Variants in NHSL2 observed in about 807,000 individuals in gnomAD.
The protein encoded by NHSL2 is NHS like 2.
A neutral mutation model predicts 53.4 loss-of-function variants in NHSL2; 27 were observed. That is an observed-to-expected ratio of 0.51 (90% CI 0.37 to 0.70). The LOEUF is 0.70. NHSL2 is among the 30% of genes least tolerant of loss of function. The pLI, the probability that NHSL2 is intolerant of heterozygous loss-of-function variation, is 0.00. For missense variants in NHSL2, 892 were observed against 980.1 expected (o/e 0.91, Z 1.20); for synonymous variants, 408 against 404.1 (o/e 1.01, Z -0.12).
intron 1 of NHSL2, among the ~76,000 whole-genome samples, chrX:72,071,736 G>T (rs922909846): frequency 9.0e-6 from 1 of 111,332 alleles, no homozygotes; most frequent in Non-Finnish European, 1.9e-5. Flanking sequence ...TTCCATTTTC[G>T]CTTAGTGACC....
intron 7 of NHSL2, among the ~76,000 whole-genome samples, chrX:72,142,642 T>C (rs973753232): frequency 2.7e-5 from 3 of 109,684 alleles, no homozygotes; most frequent in African/African-American, 1.0e-4. Context: ...AGGTGCCGAG[T>C]GAGAGGCCCC....
chrX:72,061,648 G>A (rs190858617), intron 1 of NHSL2, among the ~76,000 whole-genome samples: 13 of 111,554 alleles, frequency 1.2e-4, no homozygotes, highest in African/African-American at 2.6e-4. Flanking sequence ...ATATCCTGTC[G>A]CTCCCTTGCT....
intron 1 of NHSL2, among the ~76,000 whole-genome samples, chrX:72,085,709 T>G (rs1475730723): frequency 1.5e-5 from 1 of 67,100 alleles, no homozygotes; most frequent in Non-Finnish European, 3.8e-5. Flanking sequence ...TCTTTGTTTT[T>G]TTTTTGTTTT....
Position 72,026,838 on chromosome X carries a change from A to G in NHSL2, c.281-105241A>G, listed in dbSNP as rs1186713493. Among the ~76,000 whole-genome samples the G allele has an allele frequency of 2.7e-5, 3 of 112,035 alleles. No individual in the cohort carries two copies. In the Admixed American group the frequency reaches 2.8e-4, roughly 11 times the overall value. On this transcript the variant is annotated intron_variant, in intron 1 of 7. Transcript: ENST00000633930. ...TCCGGATTCCACCATCACCCAACCC[A>G]GCAGAAAGTCCCACCTCTGGTCTCT...
chrX:71,988,393 A>T (rs1298383880), intron 1 of NHSL2, among the ~76,000 whole-genome samples: 1 of 111,712 alleles, frequency 9.0e-6, no homozygotes, highest in Non-Finnish European at 1.9e-5. Flanking sequence ...CAAAGAGAAT[A>T]GCAGTTAATA....
intron 1 of NHSL2, among the ~76,000 whole-genome samples, chrX:72,091,453 CA>C (rs763099839): frequency 5.0e-4 from 50 of 99,588 alleles, no homozygotes; most frequent in Admixed American, 7.6e-4. Flanking sequence ...GACTCCGTCT[CA>C]AAAAAAAAAA....
intron 1 of NHSL2, among the ~76,000 whole-genome samples, chrX:72,099,361 A>AT (rs753132294): frequency 0.11 from 9,202 of 84,227 alleles, 635 homozygotes; most frequent in East Asian, 0.33. Flanking sequence ...TTGTGTAGGA[A>AT]TTTTTTTTTT....
chrX:72,075,536 ATGT>A (rs886813566), intron 1 of NHSL2, among the ~76,000 whole-genome samples: 1 of 111,989 alleles, frequency 8.9e-6, no homozygotes, highest in African/African-American at 3.2e-5. Flanking sequence ...CATCAAGAAA[ATGT>A]TGTGGGTTTT....
intron 1 of NHSL2, among the ~76,000 whole-genome samples, chrX:71,934,719 G>A (rs1214357294): frequency 3.6e-5 from 4 of 112,122 alleles, no homozygotes; most frequent in African/African-American, 1.3e-4. Flanking sequence ...GATGGCAGTG[G>A]AGGGGGAAGA....
At chrX:71,954,411 C>T (rs765746072) in intron 1 of NHSL2, among the ~76,000 whole-genome samples, 2 of 112,455 alleles carry the variant, frequency 1.8e-5, no homozygotes, top group East Asian at 5.6e-4. Context: ...TTCTGCCTGG[C>T]GTGTGCTGCT....
intron 1 of NHSL2, among the ~76,000 whole-genome samples, chrX:72,093,350 T>A (rs778391907): frequency 2.0e-4 from 23 of 112,612 alleles, no homozygotes; most frequent in African/African-American, 7.4e-4. Flanking sequence ...ATATTGGAAT[T>A]TGTTGCCAGG....
At chrX:71,960,561 A>T (rs1447769936) in intron 1 of NHSL2, among the ~76,000 whole-genome samples, 1 of 111,808 alleles carries the variant, frequency 8.9e-6, no homozygotes, top group African/African-American at 3.2e-5. Flanking sequence ...TTTCTCTTTT[A>T]TTAGGGTAGG....
At position 72,139,104 on chromosome X, in the gene NHSL2, A is replaced by G. The variant is rs970218429; in HGVS notation, c.1556A>G (p.Asn519Ser). 2.6e-6 allele frequency: 3 copies of G among 1,168,623 alleles called. No homozygotes were observed. Among genetic ancestry groups the G allele is most frequent in the African/African-American group, 1.8e-5 (1 of 56,041 alleles). ...GACTATGATGAGGAGCAGAAGGCCA[A>G]TGAGGCCTGTGCCCTGCCTTTTGCC... ...DVDYDEEQKANEACALPFAST... is the reference protein window; with the variant it reads ...DVDYDEEQKASEACALPFAST... The change falls in exon 6 of 8, where the codon AAT (asparagine) becomes AGT (serine). Residue 519 changes from asparagine to serine, a missense_variant. Coordinates refer to ENST00000633930, the MANE Select transcript of NHSL2 (RefSeq NM_001013627.3).
At chrX:71,996,254 T>C (rs1293237376) in intron 1 of NHSL2, among the ~76,000 whole-genome samples, 6 of 112,910 alleles carry the variant, frequency 5.3e-5, no homozygotes, top group Non-Finnish European at 1.1e-4. Flanking sequence ...CCCATTTCTT[T>C]TTTGACTTCT....
At chrX:71,956,261 C>T (rs1181811254) in intron 1 of NHSL2, among the ~76,000 whole-genome samples, 1 of 112,379 alleles carries the variant, frequency 8.9e-6, no homozygotes, top group African/African-American at 3.2e-5. Context: ...ACCATTACTA[C>T]AATCAAGATA....
intron 1 of NHSL2, among the ~76,000 whole-genome samples, chrX:72,018,149 C>G (rs1177898155): frequency 8.9e-6 from 1 of 112,112 alleles, no homozygotes; most frequent in Non-Finnish European, 1.9e-5. Context: ...TGGTGCTTGA[C>G]TTTCAAGGAC....
In NHSL2 at chrX:72,086,544, T is replaced by C. The variant is rs1243248779; in HGVS notation, c.281-45535T>C. 4.6e-5 allele frequency among the ~76,000 whole-genome samples: 5 copies of C among 109,266 alleles called. No individual in the cohort carries two copies. The South Asian group carries it at 1.6e-3, about 35-fold the overall frequency. 94.9% of individuals were successfully genotyped at this position (109,266 alleles called of 115,157 possible). ...ACTAAAAATACAAAAATTAGCTGGGTGTGGTGGCAGGTGCCTGTAATCCCA... is the reference window on the plus strand; with the variant it reads ...ACTAAAAATACAAAAATTAGCTGGGCGTGGTGGCAGGTGCCTGTAATCCCA... On this transcript the variant is annotated intron_variant, in intron 1 of 7. Transcript: ENST00000633930.
At position 71,911,218 on chromosome X, in the gene NHSL2, G is replaced by A; in HGVS notation, c.131G>A (p.Cys44Tyr). ...CTGCTCCGGCAGCTCGCCGACCTCTGTGGCCACTCGTTGGCTCTGCTCGAG... is the reference window on the plus strand; with the variant it reads ...CTGCTCCGGCAGCTCGCCGACCTCTATGGCCACTCGTTGGCTCTGCTCGAG... ...LSLLRQLADL[C>Y]GHSLALLEDL... The change falls in exon 1 of 8, where the codon TGT (cysteine) becomes TAT (tyrosine). Residue 44 changes from cysteine to tyrosine, a missense_variant. Transcript: ENST00000633930. 1 of 1,148,072 alleles carries A rather than the reference G, an allele frequency of 8.7e-7. No individual in the cohort carries two copies. 94.6% of individuals were successfully genotyped at this position (1,148,072 alleles called of 1,213,427 possible).
intron 1 of NHSL2, among the ~76,000 whole-genome samples, chrX:72,004,869 T>C (rs1717695780): frequency 9.2e-6 from 1 of 108,225 alleles, no homozygotes; most frequent in Admixed American, 9.9e-5. Context: ...CAAGTGTTGG[T>C]TGAATGAATG....
Sources: gnomAD v4.1 joint callset for allele counts (sites outside exome capture counted in the v4.1 genomes callset) on GRCh38, gnomAD v4.1.1 for gene constraint, MANE v1.5 for transcripts, NCBI Gene and HGNC (gene_info 2026-07-23, HGNC 2026-07-21) for gene names.